LOXHD1: variants seen among roughly 807,000 people sequenced by gnomAD.
The protein encoded by LOXHD1 is lipoxygenase homology PLAT domains 1, also known as lipoxygenase homology domain-containing protein 1.
Under a neutral mutation model 248.2 loss-of-function variants are expected in LOXHD1, and 205 were observed. That is an observed-to-expected ratio of 0.83 (90% confidence interval 0.74 to 0.93). The LOEUF is 0.93. LOXHD1 is among the 40% of genes least tolerant of loss of function. The pLI, the probability that LOXHD1 is intolerant of heterozygous loss-of-function variation, is 0.00. For missense variants in LOXHD1, 2,930 were observed against 2,971.6 expected, an observed-to-expected ratio of 0.99 and a Z score of 0.33; for synonymous variants, 1,113 against 1,162.8, an observed-to-expected ratio of 0.96 and a Z score of 0.87.
chr18:46,525,503 C>A (rs2035788720), intron 29 of LOXHD1, among the ~76,000 whole-genome samples: 1 of 152,006 alleles, frequency 6.6e-6, no homozygotes, highest in Admixed American at 6.5e-5. Flanking sequence ...GGACAAACAT[C>A]TGGGATGCAG....
Position 46,480,624 on chromosome 18 carries a change from G to A in LOXHD1, c.6342-2672C>T, listed in dbSNP as rs566656725. 2.1e-4 allele frequency among the ~76,000 whole-genome samples: 32 copies of A among 152,250 alleles called. 1 individual carries two copies. In the South Asian group the frequency reaches 5.8e-3, roughly 28 times the overall value. Reference sequence around the variant, plus strand: ...CTCTGGCTTTGGAAGGACACTCAGCGGGCTGCTCCTGCTAGAAAGGGGGGA... The same window carrying A: ...CTCTGGCTTTGGAAGGACACTCAGCAGGCTGCTCCTGCTAGAAAGGGGGGA... On this transcript the variant is annotated intron_variant, in intron 40 of 40. Coordinates refer to ENST00000642948, the MANE Select transcript of LOXHD1 (RefSeq NM_001384474.1).
chr18:46,575,422 T>C (rs560785161), intron 14 of LOXHD1, among the ~76,000 whole-genome samples: 1 of 152,232 alleles, frequency 6.6e-6, no homozygotes, highest in Non-Finnish European at 1.5e-5. Context: ...CTCCGGTACC[T>C]CAGAATGTGA....
At chr18:46,491,803 T>C in intron 37 of LOXHD1, among the ~76,000 whole-genome samples, 1 of 152,224 alleles carries the variant, frequency 6.6e-6, no homozygotes, top group East Asian at 1.9e-4. Flanking sequence ...TATCCACATA[T>C]AATTCATTGC....
intron 21 of LOXHD1, among the ~76,000 whole-genome samples, chr18:46,552,647 A>G (rs548035979): frequency 1.3e-5 from 2 of 152,072 alleles, no homozygotes; most frequent in South Asian, 4.1e-4. Flanking sequence ...TCTTCTCCCA[A>G]TCCTTTCGGT....
At chr18:46,591,501 G>A (rs328147) in intron 12 of LOXHD1, among the ~76,000 whole-genome samples, 120,876 of 152,208 alleles carry the variant, frequency 0.79, 48,518 homozygotes, top group Non-Finnish European at 0.86. Context: ...TCCTTCTCCT[G>A]CTATCCTTAA....
chr18:46,649,730 C>T (rs546237836), intron 1 of LOXHD1, among the ~76,000 whole-genome samples: 5 of 152,278 alleles, frequency 3.3e-5, no homozygotes, highest in East Asian at 3.9e-4. Flanking sequence ...CAGAATAAGC[C>T]GTCCCAGGGC....
At chr18:46,561,602 C>G (rs1178709158) in intron 18 of LOXHD1, among the ~76,000 whole-genome samples, 3 of 152,206 alleles carry the variant, frequency 2.0e-5, no homozygotes, top group African/African-American at 7.2e-5. Context: ...CAAACTGAGG[C>G]CAAGGCTGTC....
At chr18:46,478,138 G>A (rs2032194286) in intron 40 of LOXHD1, among the ~76,000 whole-genome samples, 186 bp from the exon 41 acceptor site, 3 of 152,254 alleles carry the variant, frequency 2.0e-5, no homozygotes, top group South Asian at 2.1e-4. Context: ...CACCATGGAC[G>A]GGCATCTCCA....
At chr18:46,566,189 T>G in intron 17 of LOXHD1, 68 bp downstream of exon 17, 1 of 1,470,220 alleles carries the variant, frequency 6.8e-7, no homozygotes, top group Non-Finnish European at 9.1e-7. Context: ...CCATGGTCCC[T>G]CCTCCTTCCC....
At chr18:46,654,014 G>A (rs1185295264) in intron 1 of LOXHD1, among the ~76,000 whole-genome samples, 3 of 152,164 alleles carry the variant, frequency 2.0e-5, no homozygotes, top group South Asian at 2.1e-4. Context: ...AAATTCAGGT[G>A]TTGCCATTGT....
chr18:46,510,760 CAG>C (rs1414143171), intron 34 of LOXHD1, among the ~76,000 whole-genome samples: 1 of 152,220 alleles, frequency 6.6e-6, no homozygotes, highest in African/African-American at 2.4e-5. Flanking sequence ...GGTGGTGAAA[CAG>C]AGACAATCTC....
chr18:46,506,128 T>C (rs1403467075), intron 36 of LOXHD1, 105 bp from the exon 37 acceptor site: 1 of 1,269,274 alleles, frequency 7.9e-7, no homozygotes, highest in Non-Finnish European at 1.1e-6. Context: ...GGGGTACAGG[T>C]GGACAGAGTA....
At chr18:46,622,178 G>A (rs1490836914) in intron 4 of LOXHD1, among the ~76,000 whole-genome samples, 1 of 152,170 alleles carries the variant, frequency 6.6e-6, no homozygotes, top group Non-Finnish European at 1.5e-5. Flanking sequence ...TTTCTGTAAA[G>A]CACCAGATAG....
At chr18:46,652,414 A>G (rs1051015459) in intron 1 of LOXHD1, among the ~76,000 whole-genome samples, 2 of 152,230 alleles carry the variant, frequency 1.3e-5, no homozygotes, top group Non-Finnish European at 2.9e-5. Context: ...ACTCAAACAG[A>G]CATACCACAA....
intron 8 of LOXHD1, among the ~76,000 whole-genome samples, chr18:46,597,054 G>A (rs936489323): frequency 6.6e-6 from 1 of 152,120 alleles, no homozygotes; most frequent in African/African-American, 2.4e-5. Context: ...ATCTGAACAA[G>A]CAACTCTATA....
At chr18:46,483,920 G>C (rs1278886377) in intron 39 of LOXHD1, among the ~76,000 whole-genome samples, 175 bp from the exon 40 acceptor site, 1 of 152,078 alleles carries the variant, frequency 6.6e-6, no homozygotes, top group African/African-American at 2.4e-5. Flanking sequence ...TTGGGACCAA[G>C]ACAATCACGA....
At chr18:46,548,926 T>C (rs2036966793) in intron 21 of LOXHD1, among the ~76,000 whole-genome samples, 6 of 152,214 alleles carry the variant, frequency 3.9e-5, no homozygotes, top group Non-Finnish European at 8.8e-5. Flanking sequence ...CCCCTCAGCA[T>C]GCTCACTACT....
In LOXHD1 at chr18:46,524,790, T is replaced by G; in HGVS notation, c.4658A>C (p.Glu1553Ala). 6.4e-7 allele frequency: 1 copy of G among 1,551,638 alleles called. No homozygotes were observed. Among genetic ancestry groups the G allele is most frequent in the Non-Finnish European group, 8.7e-7 (1 of 1,146,968 alleles). The change falls in exon 30 of 41, where the codon GAG becomes GCG. Residue 1553 changes from glutamate to alanine, a missense_variant. Glu to Ala is a moderately radical substitution (Grantham distance 107). Coordinates refer to ENST00000642948, the MANE Select transcript of LOXHD1 (RefSeq NM_001384474.1). ...EKVEIWNDTN[E>A]DEFLFLCGRW... is the part of the protein sequence containing the mutation. Reference sequence around the variant, plus strand: ...CCCGCATAGGAACAGGAACTCGTCCTCGTTGGTGTCATTCCAGATCTCCAC... The same window carrying G: ...CCCGCATAGGAACAGGAACTCGTCCGCGTTGGTGTCATTCCAGATCTCCAC...
At chr18:46,511,102 GGAAAAGGGGAGGA>G (rs1197813470) in intron 34 of LOXHD1, among the ~76,000 whole-genome samples, 2 of 152,194 alleles carry the variant, frequency 1.3e-5, no homozygotes, top group Non-Finnish European at 2.9e-5. Flanking sequence ...ACAGGTGTAA[GGAAAAGGGGAGGA>G]GAAACAAGCT....
Sources: gnomAD v4.1 joint callset for allele counts (sites outside exome capture counted in the v4.1 genomes callset) on GRCh38, gnomAD v4.1.1 for gene constraint, MANE v1.5 for transcripts, NCBI Gene and HGNC (gene_info 2026-07-23, HGNC 2026-07-21) for gene names.